Variants in NRXN3 observed in about 807,000 individuals in gnomAD.
NRXN3 encodes the protein neurexin III.
A neutral mutation model predicts 137.6 loss-of-function variants in NRXN3; 32 were observed. The ratio of observed to expected loss-of-function variants is 0.23; its 90% CI spans 0.18 to 0.31. The LOEUF is 0.31. NRXN3 is among the 10% of genes least tolerant of loss of function. The pLI is 1.00. For synonymous variants in NRXN3, 798 were observed against 784.5 expected (o/e 1.02, Z -0.29); for missense variants, 1,574 against 2,062.5 (o/e 0.76, Z 4.59).
At chr14:78,651,137 T>A (rs917600694) in intron 5 of NRXN3, 28 bp from the exon 6 acceptor site, 6 of 1,605,444 alleles carry the variant, frequency 3.7e-6, no homozygotes, top group Admixed American at 3.3e-5. Flanking sequence ...TTGTTGGGAT[T>A]TTTTTTGTCC....
intron 15 of NRXN3, among the ~76,000 whole-genome samples, chr14:79,025,327 T>C (rs142557218): frequency 1.6e-4 from 24 of 152,254 alleles, no homozygotes; most frequent in African/African-American, 5.3e-4. Flanking sequence ...CATCTTACTG[T>C]TGGAACTCTC....
At chr14:79,811,611 T>TCACTCTGTCGCCCAGGCTGGAGTGC (rs1242755402) in intron 20 of NRXN3, among the ~76,000 whole-genome samples, 3 of 144,110 alleles carry the variant, frequency 2.1e-5, no homozygotes, top group African/African-American at 5.1e-5. Context: ...AGATGGAGTG[T>TCACTCTGTCGCCCAGGCTGGAGTGC]CACTCTGTCG....
chr14:79,529,981 A>G (rs1372488417), intron 16 of NRXN3, among the ~76,000 whole-genome samples: 1 of 152,134 alleles, frequency 6.6e-6, no homozygotes, highest in African/African-American at 2.4e-5. Context: ...TGTTGATCCC[A>G]TTTTGCTTTG....
chr14:79,244,665 A>G (rs2074891958), intron 15 of NRXN3, among the ~76,000 whole-genome samples: 1 of 152,162 alleles, frequency 6.6e-6, no homozygotes, highest in South Asian at 2.1e-4. Flanking sequence ...TGCAGACAAC[A>G]AGATGTGCTG....
At chr14:79,497,160 A>G (rs2096774845) in intron 16 of NRXN3, among the ~76,000 whole-genome samples, 1 of 152,192 alleles carries the variant, frequency 6.6e-6, no homozygotes, top group Non-Finnish European at 1.5e-5. Flanking sequence ...ACAGTAGTTC[A>G]CTGTCCTGGG....
At chr14:79,077,005 T>C (rs1425088494) in intron 15 of NRXN3, among the ~76,000 whole-genome samples, 1 of 152,156 alleles carries the variant, frequency 6.6e-6, no homozygotes, top group Non-Finnish European at 1.5e-5. Flanking sequence ...GAGATTAATG[T>C]TTGGTGTTAT....
intron 19 of NRXN3, among the ~76,000 whole-genome samples, chr14:79,797,736 A>T (rs1187795274): frequency 1.3e-5 from 2 of 152,056 alleles, no homozygotes; most frequent in Non-Finnish European, 2.9e-5. Context: ...TGGGGGAGAG[A>T]GGGAGATAAT....
At chr14:78,271,111 C>A (rs2072656447) in intron 2 of NRXN3, among the ~76,000 whole-genome samples, 1 of 152,242 alleles carries the variant, frequency 6.6e-6, no homozygotes, top group Non-Finnish European at 1.5e-5. Flanking sequence ...CACAGACAAA[C>A]TTCAGGTCTG....
At chr14:79,294,870 A>G (rs2083785893) in intron 15 of NRXN3, among the ~76,000 whole-genome samples, 1 of 152,136 alleles carries the variant, frequency 6.6e-6, no homozygotes, top group Admixed American at 6.5e-5. Context: ...TTAAAATGAT[A>G]CTTAGATCTA....
At chr14:78,727,397 G>C (rs1285337638) in intron 8 of NRXN3, among the ~76,000 whole-genome samples, 2 of 152,188 alleles carry the variant, frequency 1.3e-5, no homozygotes, top group Non-Finnish European at 2.9e-5. Flanking sequence ...GGATTCACTG[G>C]TACATTTATG....
At chr14:78,313,014 A>G (rs1194229845) in intron 4 of NRXN3, among the ~76,000 whole-genome samples, 1 of 152,202 alleles carries the variant, frequency 6.6e-6, no homozygotes, top group African/African-American at 2.4e-5. Context: ...TCTGTTTTTT[A>G]TAGTGAAATC....
intron 4 of NRXN3, among the ~76,000 whole-genome samples, chr14:78,427,018 A>G (rs2093690213): frequency 6.6e-6 from 1 of 152,008 alleles, no homozygotes; most frequent in Non-Finnish European, 1.5e-5. Context: ...TCAGGCTGGG[A>G]GGAGAAAAAT....
intron 16 of NRXN3, among the ~76,000 whole-genome samples, chr14:79,589,443 A>ATT (rs200709674): frequency 8.0e-4 from 118 of 147,318 alleles, no homozygotes; most frequent in African/African-American, 2.7e-3. Context: ...GGCTTATTCC[A>ATT]TTTTTTTTTC....
At chr14:78,719,871 A>G (rs1024416872) in intron 8 of NRXN3, among the ~76,000 whole-genome samples, 2 of 152,064 alleles carry the variant, frequency 1.3e-5, no homozygotes, top group African/African-American at 4.8e-5. Context: ...TGAAAATAGT[A>G]GGGTTGGCAG....
At chr14:79,773,146 G>A (rs1472487190) in intron 19 of NRXN3, among the ~76,000 whole-genome samples, 2 of 152,194 alleles carry the variant, frequency 1.3e-5, no homozygotes, top group Non-Finnish European at 2.9e-5. Flanking sequence ...TGGAGAAGAT[G>A]TGGAGAAATA....
At chr14:79,691,420 TA>T (rs1404311774) in intron 17 of NRXN3, among the ~76,000 whole-genome samples, 3 of 152,050 alleles carry the variant, frequency 2.0e-5, no homozygotes, top group African/African-American at 7.2e-5. Flanking sequence ...GTGTCTATTA[TA>T]AAATATCGGT....
Position 78,227,347 on chromosome 14 carries a change from T to TG in NRXN3, c.-703-15043dup, listed in dbSNP as rs567409391. Among the ~76,000 whole-genome samples, 34 of 150,410 alleles carry TG rather than the reference T, an allele frequency of 2.3e-4. No homozygotes were observed. In the South Asian group the frequency reaches 6.3e-3, roughly 28 times the overall value. The stretch of plus-strand genomic sequence containing the variant: ...AGTTTCTTCATAGGTAGATGGGAGT[T>TG]GAAAAAAAAAACACCTTATTTGTCA... On this transcript the variant is annotated intron_variant, in intron 1 of 20. Transcript: ENST00000335750.
intron 16 of NRXN3, among the ~76,000 whole-genome samples, chr14:79,523,928 C>T (rs1434492034): frequency 6.6e-6 from 1 of 152,166 alleles, no homozygotes; most frequent in East Asian, 1.9e-4. Flanking sequence ...GTGTCAGGTT[C>T]ACATCCTTGT....
intron 16 of NRXN3, among the ~76,000 whole-genome samples, chr14:79,579,505 A>T (rs900940049): frequency 2.6e-5 from 4 of 151,830 alleles, no homozygotes; most frequent in African/African-American, 9.7e-5. Flanking sequence ...TATAACCAGG[A>T]GCTCTCCAAA....
Sources: allele counts gnomAD v4.1 joint callset (sites outside exome capture counted in the v4.1 genomes callset), GRCh38; gene constraint gnomAD v4.1.1; transcripts MANE v1.5; gene names NCBI Gene and HGNC (gene_info 2026-07-23, HGNC 2026-07-21).